TET2: variants seen among roughly 807,000 people sequenced by gnomAD.
TET2 encodes the protein methylcytosine dioxygenase TET2.
A neutral mutation model predicts 142.9 loss-of-function variants in TET2; 299 were observed. That is an observed-to-expected ratio of 2.09 (90% CI 1.90 to 2.30). The LOEUF (loss-of-function observed/expected upper bound fraction) is 2.30, where lower values mean the gene tolerates loss of function less well. Ranked by LOEUF, TET2 falls within the 30% of genes most tolerant of loss-of-function variation. The pLI, the probability that TET2 is intolerant of heterozygous loss-of-function variation, is 0.00. For synonymous variants in TET2, 819 were observed against 849.0 expected, an observed-to-expected ratio of 0.96 and a Z score of 0.61; for missense variants, 2,418 against 2,378.0, an observed-to-expected ratio of 1.02 and a Z score of -0.35.
At chr4:105,225,185 CGTGTGTGTGT>C (rs79864807) in intron 2 of TET2, among the ~76,000 whole-genome samples, 4 of 147,104 alleles carry the variant, frequency 2.7e-5, no homozygotes, top group Admixed American at 6.8e-5. Context: ...AGTAAAAAAT[CGTGTGTGTGT>C]GTGTGTGTGT....
intron 2 of TET2, among the ~76,000 whole-genome samples, chr4:105,214,680 T>A (rs1300150468): frequency 6.6e-6 from 1 of 151,752 alleles, no homozygotes; most frequent in Non-Finnish European, 1.5e-5. Flanking sequence ...GGAATGCTGA[T>A]GATCATGAAG....
rs17253672 is a variant in TET2, at chr4:105,235,030, C to T, written c.1088C>T (p.Pro363Leu). 85,356 of 1,614,090 alleles carry T rather than the reference C, an allele frequency of 0.053. 2,635 individuals carry two copies. Among genetic ancestry groups the T allele is most frequent in the Middle Eastern group, 0.061 (371 of 6,060 alleles). The change falls in exon 3 of 11, where the codon CCT becomes CTT. Residue 363 changes from proline to leucine, a missense_variant. By Grantham distance (98) the Pro-to-Leu change is moderately conservative. Transcript: ENST00000380013. ...GGTTCCAGCAGCAATTTGCAAGCTCCTGGTGGCAGCTCTGAACGGTATTTA... is the reference window on the plus strand; with the variant it reads ...GGTTCCAGCAGCAATTTGCAAGCTCTTGGTGGCAGCTCTGAACGGTATTTA... ...CSGSSSNLQA[P>L]GGSSERYLKQ...
At chr4:105,214,686 T>C (rs558321527) in intron 2 of TET2, among the ~76,000 whole-genome samples, 1 of 151,804 alleles carries the variant, frequency 6.6e-6, no homozygotes, top group African/African-American at 2.4e-5. Context: ...CTGATGATCA[T>C]GAAGCCTCCA....
Position 105,200,468 on chromosome 4 carries a change from C to G in TET2, c.-47+9963C>G, listed in dbSNP as rs114127569. Among the ~76,000 whole-genome samples, 336 of 152,156 alleles carry G rather than the reference C, an allele frequency of 2.2e-3. 1 individual carries two copies. The highest frequency in any genetic ancestry group is 7.7e-3 in the African/African-American group (321 of 41,488). On this transcript the variant is annotated intron_variant, in intron 2 of 10. Transcript: ENST00000380013. The stretch of plus-strand genomic sequence containing the variant: ...ATACTATTGTCAGATACATAAATTG[C>G]AAAATTTTTCTCCCATTCTGTAGGT...
intron 2 of TET2, among the ~76,000 whole-genome samples, chr4:105,222,559 ATTGT>A (rs1727904428): frequency 2.0e-5 from 3 of 151,526 alleles, no homozygotes; most frequent in Admixed American, 1.3e-4. Context: ...TTTTGATGGG[ATTGT>A]TTGTTTTTTT....
chr4:105,245,388 T>C (rs911809542), intron 6 of TET2, among the ~76,000 whole-genome samples: 20 of 151,978 alleles, frequency 1.3e-4, no homozygotes, highest in African/African-American at 4.6e-4. Context: ...TGGAGTGCAA[T>C]GGTGCGATCT....
chr4:105,166,417 T>C (rs1036956080), intron 1 of TET2, among the ~76,000 whole-genome samples: 1 of 152,078 alleles, frequency 6.6e-6, no homozygotes, highest in African/African-American at 2.4e-5. Flanking sequence ...TTTCATCATA[T>C]CACAATTTTT....
intron 1 of TET2, among the ~76,000 whole-genome samples, chr4:105,149,150 A>G (rs1001816249): frequency 1.3e-5 from 2 of 152,206 alleles, no homozygotes; most frequent in African/African-American, 4.8e-5. Flanking sequence ...ATTAAAAACA[A>G]TTCCTTTTGC....
intron 6 of TET2, among the ~76,000 whole-genome samples, chr4:105,249,387 A>G (rs1195102803): frequency 1.3e-5 from 2 of 152,188 alleles, no homozygotes; most frequent in South Asian, 4.1e-4. Context: ...TTTGGCGATT[A>G]TAAATTATGC....
In TET2 at chr4:105,235,839, A is replaced by T. The variant is rs374789850; in HGVS notation, c.1897A>T (p.Met633Leu). The T allele has an allele frequency of 7.4e-6, 12 of 1,614,038 alleles. No individual in the cohort carries two copies. The highest frequency in any genetic ancestry group is 1.0e-5 in the Non-Finnish European group (12 of 1,179,976). ...KTTQLEHKSQ[M>L]YQVEMNQGQS... ...AACACAGCTGGAGCACAAGTCACAA[A>T]TGTACCAAGTTGAAATGAATCAAGG... Residue 633 changes from methionine (M) to leucine (L), a missense_variant, in exon 3 of 11, where the codon ATG becomes TTG. Coordinates refer to ENST00000380013, the MANE Select transcript of TET2 (RefSeq NM_001127208.3).
intron 2 of TET2, among the ~76,000 whole-genome samples, chr4:105,200,389 T>A (rs777075292): frequency 9.2e-5 from 13 of 141,030 alleles, no homozygotes; most frequent in Non-Finnish European, 1.8e-4. Context: ...TCAATGGGGA[T>A]GTTTGTTTGT....
intron 2 of TET2, among the ~76,000 whole-genome samples, chr4:105,194,503 T>C (rs983383354): frequency 6.6e-6 from 1 of 152,180 alleles, no homozygotes; most frequent in Admixed American, 6.5e-5. Flanking sequence ...TCACACTCTT[T>C]GCTTGATTTT....
At position 105,243,727 on chromosome 4, in the gene TET2, C is replaced by CGAGGA; in HGVS notation, c.3753_3754insAGGAG (p.Leu1252ArgfsTer3). 6.4e-7 allele frequency: 1 copy of CGAGGA among 1,551,550 alleles called. No homozygotes were observed. The highest frequency in any genetic ancestry group is 8.7e-7 in the Non-Finnish European group (1 of 1,146,946). On this transcript the variant is annotated frameshift_variant, in exon 6 of 11. Transcript: ENST00000380013. LOFTEE classifies it high-confidence loss of function. ...AAACTCTACTCGGAGCTTACCGAGA[C>CGAGGA]GCTGAGGAAATACGGCACGCTCACC...
intron 2 of TET2, among the ~76,000 whole-genome samples, chr4:105,206,832 T>C (rs1035038179): frequency 6.6e-6 from 1 of 152,208 alleles, no homozygotes; most frequent in Non-Finnish European, 1.5e-5. Flanking sequence ...ATTTTGTTCA[T>C]GAACATGATG....
rs544363520 is a variant in TET2, at chr4:105,234,406, C to T, written c.464C>T (p.Ala155Val). ...SDKKESVSSV[A>V]QENAVKDFTS... ...AAGAAAGAATCTGTGAGTTCTGTAGCCCAAGAAAATGCAGTTAAAGATTTC... is the reference window on the plus strand; with the variant it reads ...AAGAAAGAATCTGTGAGTTCTGTAGTCCAAGAAAATGCAGTTAAAGATTTC... The change falls in exon 3 of 11, where the codon GCC (alanine) becomes GTC (valine). Residue 155 changes from alanine to valine, a missense_variant. Transcript: ENST00000380013. 7 of 1,613,954 alleles carry T rather than the reference C, an allele frequency of 4.3e-6. No individual in the cohort carries two copies. In the Admixed American group the frequency reaches 1.2e-4, roughly 27 times the overall value.
intron 6 of TET2, among the ~76,000 whole-genome samples, chr4:105,256,036 T>C (rs184894543): frequency 6.6e-6 from 1 of 152,242 alleles, no homozygotes; most frequent in African/African-American, 2.4e-5. Context: ...ACATTCCCTC[T>C]TTTTACTCTG....
At chr4:105,258,406 G>T (rs1283908764) in intron 6 of TET2, among the ~76,000 whole-genome samples, 4 of 152,102 alleles carry the variant, frequency 2.6e-5, no homozygotes, top group Non-Finnish European at 5.9e-5. Flanking sequence ...AATATAGTTT[G>T]TAAGAATGAT....
chr4:105,237,511 A>G (rs569864430), intron 3 of TET2, 160 bp downstream of exon 3: 8 of 1,596,918 alleles, frequency 5.0e-6, no homozygotes, highest in Non-Finnish European at 6.8e-6. Flanking sequence ...CAAGTTACCG[A>G]TGCTTGTGTC....
At chr4:105,178,741 A>C (rs1265477673) in intron 1 of TET2, among the ~76,000 whole-genome samples, 2 of 152,198 alleles carry the variant, frequency 1.3e-5, no homozygotes, top group Non-Finnish European at 2.9e-5. Context: ...ATGTTAAAAA[A>C]TTTAATGCAC....
Sources: allele counts gnomAD v4.1 joint callset (sites outside exome capture counted in the v4.1 genomes callset), GRCh38; gene constraint gnomAD v4.1.1; transcripts MANE v1.5; gene names NCBI Gene and HGNC (gene_info 2026-07-23, HGNC 2026-07-21).